The following FCHO2 variants were observed in gnomAD, a reference collection of about 807,000 sequenced individuals.
The protein encoded by FCHO2 is F-BAR domain only protein 2.
In FCHO2, 43 loss-of-function variants were observed where a neutral mutation model predicts 114.1. That is an observed-to-expected ratio of 0.38 (90% confidence interval 0.30 to 0.49). The LOEUF (loss-of-function observed/expected upper bound fraction) is 0.49. FCHO2 is among the 20% of genes least tolerant of loss of function. FCHO2 has a pLI of 0.97. For synonymous variants in FCHO2, 293 were observed against 315.2 expected (o/e 0.93, Z 0.75); for missense variants, 807 against 950.4 (o/e 0.85, Z 1.98).
At chr5:73,044,623 C>T (rs1339941793) in intron 11 of FCHO2, among the ~76,000 whole-genome samples, 2 of 152,102 alleles carry the variant, frequency 1.3e-5, no homozygotes, top group Non-Finnish European at 2.9e-5. Context: ...TTATTTTTAG[C>T]AACTGCATCT....
At chr5:73,061,078 C>A (rs30535) in intron 17 of FCHO2, among the ~76,000 whole-genome samples, 142,670 of 151,728 alleles carry the variant, frequency 0.94, 67,140 homozygotes, top group East Asian at 1. Context: ...TAACTCGAAC[C>A]CTGATGTAGT....
intron 8 of FCHO2, among the ~76,000 whole-genome samples, chr5:73,028,309 C>A (rs1756048838): frequency 6.6e-6 from 1 of 152,138 alleles, no homozygotes; most frequent in South Asian, 2.1e-4. Context: ...CTGGAAAATA[C>A]CTTGGCAGCT....
rs372228799 is a variant in FCHO2 at position 73,077,473 on chromosome 5, A to G, written c.1827A>G (p.Pro609=). The change falls in exon 21 of 26, where the codon CCA becomes CCG. Residue 609 remains proline (P), a synonymous_variant. Transcript: ENST00000430046. ...KNISRLEQIL[P]NAQLVFSDPS... ...TCAGCAGACTAGAGCAGATTCTTCC[A>G]AATGCACAGCTTGTGTTCAGGTTTG... 135 of 1,601,334 alleles carry G rather than the reference A, an allele frequency of 8.4e-5. No individual in the cohort carries two copies. Among genetic ancestry groups the G allele is most frequent in the African/African-American group, 2.7e-5 (2 of 74,782 alleles).
intron 11 of FCHO2, among the ~76,000 whole-genome samples, chr5:73,043,457 A>C (rs560907674): frequency 6.6e-6 from 1 of 152,276 alleles, no homozygotes; most frequent in East Asian, 1.9e-4. Flanking sequence ...GTGTGTATAC[A>C]TATACACACA....
chr5:73,020,854 C>T, intron 8 of FCHO2: 1 of 964,782 alleles, frequency 1.0e-6, no homozygotes, highest in Non-Finnish European at 1.7e-6. Context: ...GATATTTACT[C>T]TGACCATTAA....
At chr5:73,043,480 A>G (rs1389443905) in intron 11 of FCHO2, among the ~76,000 whole-genome samples, 1 of 152,144 alleles carries the variant, frequency 6.6e-6, no homozygotes, top group Non-Finnish European at 1.5e-5. Flanking sequence ...TATAAAGTAT[A>G]TATGTTTGTA....
intron 3 of FCHO2, 67 bp from the exon 4 acceptor site, chr5:72,990,411 C>G: frequency 1.6e-6 from 2 of 1,254,548 alleles, no homozygotes; most frequent in Non-Finnish European, 2.2e-6. Context: ...TCCACTGGTT[C>G]CTTGTTAGAA....
At chr5:73,052,261 T>A (rs1359153546) in intron 12 of FCHO2, 71 bp from the exon 13 acceptor site, 7 of 1,408,458 alleles carry the variant, frequency 5.0e-6, no homozygotes, top group Non-Finnish European at 6.7e-6. Flanking sequence ...ATTCCTTTTT[T>A]AAAATAAATG....
intron 5 of FCHO2, among the ~76,000 whole-genome samples, chr5:72,995,259 ATT>A (rs71614498): frequency 2.8e-5 from 4 of 144,422 alleles, no homozygotes; most frequent in Admixed American, 6.9e-5. Context: ...AAACTGGGTA[ATT>A]TTTTTTTTTT....
At chr5:73,006,018 C>T (rs1228181074) in intron 5 of FCHO2, among the ~76,000 whole-genome samples, 1 of 152,094 alleles carries the variant, frequency 6.6e-6, no homozygotes, top group East Asian at 1.9e-4. Flanking sequence ...TATATGTATG[C>T]TGTGGTGGAG....
intron 23 of FCHO2, 123 bp from the exon 24 acceptor site, chr5:73,082,638 T>G (rs1322124207): frequency 3.8e-6 from 3 of 780,302 alleles, no homozygotes; most frequent in Non-Finnish European, 6.3e-6. Flanking sequence ...TTAATACTAC[T>G]TAAACTTAGC....
intron 8 of FCHO2, among the ~76,000 whole-genome samples, chr5:73,030,030 TC>T (rs1756147836): frequency 6.7e-6 from 1 of 149,956 alleles, no homozygotes; most frequent in Non-Finnish European, 1.5e-5. Flanking sequence ...TGATTTCTTT[TC>T]TTTCTTTCTT....
chr5:73,011,044 G>GT (rs1330262192), intron 6 of FCHO2, among the ~76,000 whole-genome samples: 2 of 152,080 alleles, frequency 1.3e-5, no homozygotes, highest in Non-Finnish European at 2.9e-5. Context: ...TAACAAAATG[G>GT]TATTTGTGTC....
At position 72,979,733 on chromosome 5, in the gene FCHO2, G is replaced by A. The variant is rs113499889; in HGVS notation, c.126-9694G>A. Among the ~76,000 whole-genome samples the A allele has an allele frequency of 1.3e-3, 200 of 152,274 alleles. 1 individual carries two copies. The highest frequency in any genetic ancestry group is 4.7e-3 in the African/African-American group (194 of 41,568). The stretch of plus-strand genomic sequence containing the variant: ...ATAGATTTTCTAGTTTATTTGCATA[G>A]TGGTGTTTCTAGTATTCTCTGATGG... On this transcript the variant is annotated intron_variant, in intron 2 of 25. Transcript: ENST00000430046.
chr5:72,989,201 CTG>C lies in FCHO2; in HGVS notation c.126-224_126-223del, dbSNP rs367836952. ...CTCCAGCCTGGGTGACAGAGCAAGA[CTG>C]TTTTAAAAAAAAATTTGTGTGTGTG... is the stretch of plus-strand genomic sequence containing the variant. On this transcript the variant is annotated intron_variant, in intron 2 of 25. Transcript: ENST00000430046. Among the ~76,000 whole-genome samples, 97 of 152,030 alleles carry C rather than the reference CTG, an allele frequency of 6.4e-4. No homozygotes were observed. The East Asian group carries it at 0.013, about 20-fold the overall frequency.
In FCHO2 at chr5:73,074,764, T is replaced by C. The variant is rs1354457016; in HGVS notation, c.1602T>C (p.Pro534=). 1.9e-6 allele frequency: 3 copies of C among 1,612,748 alleles called. No individual in the cohort carries two copies. Among genetic ancestry groups the C allele is most frequent in the Admixed American group, 3.3e-5 (2 of 59,810 alleles). The change falls in exon 20 of 26, where the codon CCT becomes CCC. Residue 534 remains proline, a synonymous_variant. Coordinates refer to ENST00000430046, the MANE Select transcript of FCHO2 (RefSeq NM_138782.3). ...TAGGTGTGTCACGGGGTCCCAGCCC[T>C]GTCAGCCTTGGAAATCAGGATACCT... ...PTVGVSRGPS[P]VSLGNQDTLP...
chr5:73,045,758 A>G (rs1205757378), intron 11 of FCHO2, among the ~76,000 whole-genome samples: 2 of 152,202 alleles, frequency 1.3e-5, no homozygotes, highest in Non-Finnish European at 2.9e-5. Flanking sequence ...TTTCTTATAG[A>G]CAGCAGATAG....
intron 5 of FCHO2, among the ~76,000 whole-genome samples, chr5:72,996,187 G>C (rs999923647): frequency 1.4e-4 from 20 of 144,520 alleles, no homozygotes; most frequent in African/African-American, 4.3e-4. Context: ...AGGTTGCAGT[G>C]AGCCAAGATC....
At chr5:73,027,488 A>T (rs1353905965) in intron 8 of FCHO2, among the ~76,000 whole-genome samples, 1 of 151,918 alleles carries the variant, frequency 6.6e-6, no homozygotes, top group African/African-American at 2.4e-5. Flanking sequence ...ACGTTTGTCT[A>T]ATCCAAGGTC....
Sources: gnomAD v4.1 joint callset for allele counts (sites outside exome capture counted in the v4.1 genomes callset) on GRCh38, gnomAD v4.1.1 for gene constraint, MANE v1.5 for transcripts, NCBI Gene and HGNC (gene_info 2026-07-23, HGNC 2026-07-21) for gene names.